The following CSF2RA variants were observed in gnomAD, a reference collection of about 807,000 sequenced individuals.
CSF2RA encodes granulocyte-macrophage colony-stimulating factor receptor subunit alpha.
Under a neutral mutation model 51.6 loss-of-function variants are expected in CSF2RA, and 42 were observed. The ratio of observed to expected loss-of-function variants is 0.81; its 90% CI spans 0.64 to 1.05. The LOEUF (loss-of-function observed/expected upper bound fraction) is 1.05. Among genes scored for constraint, CSF2RA ranks in the 50% least tolerant of loss-of-function variants. The pLI is 0.00. For synonymous variants in CSF2RA, 222 were observed against 193.0 expected (o/e 1.15, Z -1.24); for missense variants, 530 against 501.1 (o/e 1.06, Z -0.55).
At chrX:1,318,479 C>G in the CSF2RA span, among the ~76,000 whole-genome samples, 52 of 151,274 alleles carry the variant, frequency 3.4e-4, no homozygotes, top group African/African-American at 1.3e-3. Flanking sequence ...GAACTTTTGT[C>G]TCCACTGGCC....
the CSF2RA span, among the ~76,000 whole-genome samples, chrX:1,316,263 TA>T: frequency 3.6e-5 from 1 of 28,132 alleles, no homozygotes; most frequent in Admixed American, 3.5e-4. Context: ...AGATAGATGA[TA>T]GATAGATAGA....
intron 10 of CSF2RA, among the ~76,000 whole-genome samples, chrX:1,301,223 C>T (rs1345995680): frequency 2.2e-5 from 3 of 138,360 alleles, no homozygotes; most frequent in Admixed American, 7.7e-5. Flanking sequence ...CCCAGCTACT[C>T]AGGAGGCTGA....
chrX:1,306,990 A>G (rs1223971313), intron 12 of CSF2RA, among the ~76,000 whole-genome samples: 1 of 151,704 alleles, frequency 6.6e-6, no homozygotes, highest in Admixed American at 6.6e-5. Flanking sequence ...GAGACAGGGA[A>G]GACAGAGGAG....
downstream of CSF2RA, chrX:1,309,943 C>T (rs1569513944): frequency 3.6e-6 from 2 of 562,706 alleles, no homozygotes; most frequent in Non-Finnish European, 6.2e-6. Flanking sequence ...GGCGCCGTGG[C>T]TCATGCCTGT....
chrX:1,287,539 G>A (rs1297660402), intron 4 of CSF2RA, among the ~76,000 whole-genome samples: 1 of 149,516 alleles, frequency 6.7e-6, no homozygotes, highest in Non-Finnish European at 1.5e-5. Context: ...TGCCTCCTGG[G>A]TTCAAGAGAT....
intron 6 of CSF2RA, among the ~76,000 whole-genome samples, chrX:1,289,989 GT>G (rs1174809267): frequency 1.2e-5 from 1 of 86,080 alleles, no homozygotes; most frequent in Non-Finnish European, 2.6e-5. Context: ...GTGTTTTTGT[GT>G]TTTTGTTTTG....
At chrX:1,315,886 G>C in the CSF2RA span, among the ~76,000 whole-genome samples, 1 of 149,614 alleles carries the variant, frequency 6.7e-6, no homozygotes, top group African/African-American at 2.5e-5. Flanking sequence ...CAGATAGATA[G>C]ACTCTAGATG....
At chrX:1,312,480 A>G (rs1371591229), downstream of CSF2RA, among the ~76,000 whole-genome samples, 4 of 152,096 alleles carry the variant, frequency 2.6e-5, no homozygotes, top group Non-Finnish European at 4.4e-5. Context: ...GGACGTGGAC[A>G]TATTTGGGGA....
At chrX:1,314,442 T>TGCCCAACCCCACTGTGCC, downstream of CSF2RA, among the ~76,000 whole-genome samples, 1 of 28,138 alleles carries the variant, frequency 3.6e-5, no homozygotes, top group Non-Finnish European at 6.8e-5. Flanking sequence ...CGCACTGCAC[T>TGCCCAACCCCACTGTGCC]TGCCCAATTG....
intron 4 of CSF2RA, among the ~76,000 whole-genome samples, chrX:1,287,434 G>T (rs748473214): frequency 6.7e-6 from 1 of 149,908 alleles, no homozygotes; most frequent in East Asian, 2.0e-4. Flanking sequence ...TTACAGGTGT[G>T]AGCCACCGTG....
chrX:1,323,140 A>G, the CSF2RA span, among the ~76,000 whole-genome samples: 4 of 63,782 alleles, frequency 6.3e-5, no homozygotes, highest in South Asian at 1.7e-3. Flanking sequence ...AAAAAAATAC[A>G]ATACAATACA....
intron 6 of CSF2RA, among the ~76,000 whole-genome samples, chrX:1,289,881 TG>T (rs1437807790): frequency 7.1e-6 from 1 of 141,628 alleles, no homozygotes; most frequent in Non-Finnish European, 1.6e-5. Context: ...TTTGTGTTTT[TG>T]TGTTTTGTTT....
the CSF2RA span, among the ~76,000 whole-genome samples, chrX:1,321,579 A>C: frequency 6.6e-6 from 1 of 151,944 alleles, no homozygotes; most frequent in Non-Finnish European, 1.5e-5. Flanking sequence ...CATCTCAAAA[A>C]AAAAAAAAAA....
At chrX:1,296,327 C>T (rs78595804) in intron 9 of CSF2RA, among the ~76,000 whole-genome samples, 6,870 of 131,400 alleles carry the variant, frequency 0.052, 190 homozygotes, top group Non-Finnish European at 0.085. Flanking sequence ...CCCCTACACT[C>T]TCCTACCCAT....
At chrX:1,299,935 A>T (rs1195179043) in intron 9 of CSF2RA, among the ~76,000 whole-genome samples, 3 of 148,698 alleles carry the variant, frequency 2.0e-5, no homozygotes, top group Admixed American at 6.7e-5. Flanking sequence ...AAAATAAAAG[A>T]GGCCGGGCGT....
At chrX:1,310,631 G>A (rs1195172279), downstream of CSF2RA, among the ~76,000 whole-genome samples, 11 of 146,134 alleles carry the variant, frequency 7.5e-5, no homozygotes, top group Middle Eastern at 0.011. Context: ...TCACAACACC[G>A]CACTCCAGCG....
chrX:1,294,903 C>T (rs1390409579), intron 8 of CSF2RA, among the ~76,000 whole-genome samples: 5 of 152,188 alleles, frequency 3.3e-5, no homozygotes, highest in Admixed American at 2.0e-4. Flanking sequence ...CCATGGAGAC[C>T]CAGTGTAGAC....
intron 4 of CSF2RA, among the ~76,000 whole-genome samples, chrX:1,286,538 C>G (rs1465681732): frequency 2.6e-5 from 4 of 151,146 alleles, no homozygotes; most frequent in Non-Finnish European, 2.9e-5. Flanking sequence ...CATTGCACTC[C>G]AGCCTGGGCA....
At chrX:1,308,966 G>A (rs770803520) in intron 12 of CSF2RA, among the ~76,000 whole-genome samples, 10 of 152,278 alleles carry the variant, frequency 6.6e-5, no homozygotes, top group African/African-American at 1.9e-4. Flanking sequence ...AGTGGCTCAT[G>A]CCTGTCATCC....
Sources: gnomAD v4.1 joint callset for allele counts (sites outside exome capture counted in the v4.1 genomes callset) on GRCh38, gnomAD v4.1.1 for gene constraint, MANE v1.5 for transcripts, NCBI Gene and HGNC (gene_info 2026-07-23, HGNC 2026-07-21) for gene names.